Variants in TRAPPC11 observed in about 807,000 individuals in gnomAD.
TRAPPC11 encodes the protein foie gras homolog.
A neutral mutation model predicts 151.2 loss-of-function variants in TRAPPC11; 104 were observed. The ratio of observed to expected loss-of-function variants is 0.69; its 90% CI spans 0.59 to 0.81. TRAPPC11 has a LOEUF of 0.81. Among genes scored for constraint, TRAPPC11 ranks in the 30% least tolerant of loss-of-function variants. The pLI is 0.00. For missense variants in TRAPPC11, 1,230 were observed against 1,349.6 expected, an observed-to-expected ratio of 0.91 and a Z score of 1.39; for synonymous variants, 456 against 472.3, an observed-to-expected ratio of 0.97 and a Z score of 0.45.
At position 183,712,745 on chromosome 4, in the gene TRAPPC11, CT is replaced by C; in HGVS notation, c.*105del. 4 of 1,245,356 alleles carry C rather than the reference CT, an allele frequency of 3.2e-6. No homozygotes were observed. Among genetic ancestry groups the C allele is most frequent in the Non-Finnish European group, 4.7e-6 (4 of 860,178 alleles). The allele number at this position is 1,245,356 out of a possible 1,614,324, so 77.1% of individuals were successfully genotyped here. On this transcript the variant is annotated 3_prime_UTR_variant, in exon 30 of 30. Transcript: ENST00000334690. ...GCTTTGATCATGGTAAAAAGTTAAC[CT>C]TTTCTATTTTTTAATGGATGTTATA...
chr4:183,689,001 A>C (rs1205738730), intron 18 of TRAPPC11, among the ~76,000 whole-genome samples: 2 of 152,172 alleles, frequency 1.3e-5, no homozygotes, highest in African/African-American at 4.8e-5. Flanking sequence ...TCAGCCTCCC[A>C]AAGTGCTGGG....
chr4:183,693,868 G>A (rs1294822154), intron 21 of TRAPPC11, 49 bp from the exon 22 acceptor site: 2 of 1,603,206 alleles, frequency 1.2e-6, no homozygotes, highest in Non-Finnish European at 1.7e-6. Context: ...TGATTATTGG[G>A]ATAATGTTTG....
At chr4:183,694,548 T>C in intron 22 of TRAPPC11, 56 bp from the exon 23 acceptor site, 2 of 1,523,544 alleles carry the variant, frequency 1.3e-6, no homozygotes, top group Non-Finnish European at 1.8e-6. Context: ...CTAGAATATA[T>C]ATCAAGAAGA....
chr4:183,674,858 T>G lies in TRAPPC11; in HGVS notation c.660+46T>G, dbSNP rs769485559. On this transcript the variant is annotated intron_variant, in intron 6 of 29. Coordinates refer to ENST00000334690, the MANE Select transcript of TRAPPC11 (RefSeq NM_021942.6). Reference sequence around the variant, plus strand: ...ATAGAAGCATTCTGGAGCGGATTATTATTATTTTTGAGGTGATTATTACAT... The same window carrying G: ...ATAGAAGCATTCTGGAGCGGATTATGATTATTTTTGAGGTGATTATTACAT... The G allele has an allele frequency of 2.5e-6, 3 of 1,192,648 alleles. No homozygotes were observed. The East Asian group carries it at 7.4e-5, about 30-fold the overall frequency. 73.9% of individuals were successfully genotyped at this position (1,192,648 alleles called of 1,614,324 possible).
In TRAPPC11 at chr4:183,693,962, G is replaced by A. The variant is rs1400361691; in HGVS notation, c.2432G>A (p.Gly811Glu). The change falls in exon 22 of 30, where the codon GGA becomes GAA. Residue 811 changes from glycine (G) to glutamate (E), a missense_variant. Gly to Glu is a moderately conservative substitution (Grantham distance 98, BLOSUM62 -2). Coordinates refer to ENST00000334690, the MANE Select transcript of TRAPPC11 (RefSeq NM_021942.6). ...CAGAAGACTCACGTGACTCTTCATG[G>A]AACAGAACTGTGTGATGAATCCTAC... Reference protein sequence around the residue: ...LTQKTHVTLHGTELCDESYPA... With the variant: ...LTQKTHVTLHETELCDESYPA... 6.2e-7 allele frequency: 1 copy of A among 1,614,042 alleles called. No individual in the cohort carries two copies. Among genetic ancestry groups the A allele is most frequent in the South Asian group, 1.1e-5 (1 of 91,066 alleles).
At chr4:183,686,793 T>A in intron 18 of TRAPPC11, 45 bp downstream of exon 18, 1 of 1,597,980 alleles carries the variant, frequency 6.3e-7, no homozygotes, top group South Asian at 1.1e-5. Flanking sequence ...TATCTTATTG[T>A]AGCTTATGTT....
At chr4:183,681,550 G>A (rs1179416816) in intron 10 of TRAPPC11, among the ~76,000 whole-genome samples, 1 of 152,184 alleles carries the variant, frequency 6.6e-6, no homozygotes, top group East Asian at 1.9e-4. Context: ...GGAGGCTGAG[G>A]TGGGCAGATC....
Position 183,679,413 on chromosome 4 carries a change from C to T in TRAPPC11, c.892C>T (p.His298Tyr). ...PLDAIAQFRKHIDLCKKKIGS... is the reference protein window; with the variant it reads ...PLDAIAQFRKYIDLCKKKIGS... ...GGATGCAATTGCTCAGTTCCGAAAACACATCGACTTGTGTAAGAAAAAGAT... is the reference window on the plus strand; with the variant it reads ...GGATGCAATTGCTCAGTTCCGAAAATACATCGACTTGTGTAAGAAAAAGAT... Residue 298 changes from histidine (H) to tyrosine (Y), a missense_variant, in exon 9 of 30, where the codon CAC becomes TAC. Transcript: ENST00000334690. 1 of 1,613,128 alleles carries T rather than the reference C, an allele frequency of 6.2e-7. No individual in the cohort carries two copies. The highest frequency in any genetic ancestry group is 1.3e-5 in the African/African-American group (1 of 74,988).
intron 10 of TRAPPC11, among the ~76,000 whole-genome samples, chr4:183,681,165 G>C (rs1463483527): frequency 6.6e-6 from 1 of 151,404 alleles, no homozygotes; most frequent in Non-Finnish European, 1.5e-5. Context: ...TATTTATATT[G>C]TTACAGTAGT....
chr4:183,689,197 G>T (rs530808639), intron 18 of TRAPPC11, among the ~76,000 whole-genome samples: 1 of 152,250 alleles, frequency 6.6e-6, no homozygotes, highest in African/African-American at 2.4e-5. Flanking sequence ...TTGAGTTGCT[G>T]GTGTTGGGAA....
At chr4:183,677,370 G>A (rs1735465216) in intron 7 of TRAPPC11, 88 bp from the exon 8 acceptor site, 1 of 809,944 alleles carries the variant, frequency 1.2e-6, no homozygotes, top group African/African-American at 1.7e-5. Flanking sequence ...AAAATGTTGA[G>A]TAAATATTCT....
intron 10 of TRAPPC11, among the ~76,000 whole-genome samples, chr4:183,680,688 T>TTTC (rs1735635277): frequency 7.0e-6 from 1 of 143,788 alleles, no homozygotes; most frequent in Admixed American, 7.0e-5. Flanking sequence ...TCTTTTTTTT[T>TTTC]TTTTTTTTTT....
At chr4:183,692,880 G>A (rs771613243) in intron 19 of TRAPPC11, 80 bp from the exon 20 acceptor site, 88 of 1,326,040 alleles carry the variant, frequency 6.6e-5, no homozygotes, top group Non-Finnish European at 8.0e-5. Flanking sequence ...CTTAGCAGTC[G>A]ACGATGTAAT....
Position 183,691,421 on chromosome 4 carries a change from C to G in TRAPPC11, c.1999C>G (p.Leu667Val), listed in dbSNP as rs185988689. 2.0e-6 allele frequency: 3 copies of G among 1,535,456 alleles called. No individual in the cohort carries two copies. In the Middle Eastern group the frequency reaches 5.2e-4, roughly 267 times the overall value. The change falls in exon 19 of 30, where the codon CTG becomes GTG. Residue 667 changes from leucine to valine, a missense_variant. Physicochemically the swap from Leu to Val is conservative, Grantham distance 32. Transcript: ENST00000334690. ...CCTAGTTCCTGGCAAAACAAGAAAACTGTTATTTAAGTTTGTTGCAAAAAC... is the reference window on the plus strand; with the variant it reads ...CCTAGTTCCTGGCAAAACAAGAAAAGTGTTATTTAAGTTTGTTGCAAAAAC... ...MCLVPGKTRK[L>V]LFKFVAKTED...
At chr4:183,676,490 A>T (rs1735418174) in intron 7 of TRAPPC11, among the ~76,000 whole-genome samples, 1 of 152,166 alleles carries the variant, frequency 6.6e-6, no homozygotes, top group African/African-American at 2.4e-5. Flanking sequence ...TAAATCCTTC[A>T]ATTTCAGTTC....
At chr4:183,708,351 A>T in intron 28 of TRAPPC11, 56 bp from the exon 29 acceptor site, 1 of 1,529,086 alleles carries the variant, frequency 6.5e-7, no homozygotes, top group Non-Finnish European at 8.9e-7. Context: ...AACAACATAT[A>T]GATATTGCAC....
Position 183,693,087 on chromosome 4 carries a change from G to A in TRAPPC11, c.2177G>A (p.Arg726Gln), listed in dbSNP as rs775221903. 10 of 1,612,722 alleles carry A rather than the reference G, an allele frequency of 6.2e-6. No individual in the cohort carries two copies. Among genetic ancestry groups the A allele is most frequent in the East Asian group, 4.5e-5 (2 of 44,820 alleles). The change falls in exon 20 of 30, where the codon CGA (arginine) becomes CAA (glutamine). Residue 726 changes from arginine (R) to glutamine (Q), a missense_variant. By Grantham distance (43) the Arg-to-Gln change is conservative. Coordinates refer to ENST00000334690, the MANE Select transcript of TRAPPC11 (RefSeq NM_021942.6). ...CAGGCAGCTCGGTCTTTCAAAAGGC[G>A]ACCTAAGCTACCTGACAATGAAGTT... ...ALQAARSFKR[R>Q]PKLPDNEVHW... is the part of the protein sequence containing the mutation.
At chr4:183,676,565 T>C (rs1735421795) in intron 7 of TRAPPC11, among the ~76,000 whole-genome samples, 1 of 152,242 alleles carries the variant, frequency 6.6e-6, no homozygotes, top group African/African-American at 2.4e-5. Flanking sequence ...ACTTTTTCTA[T>C]GAAAAGCCTG....
At chr4:183,706,168 C>T (rs1257370726) in intron 27 of TRAPPC11, 2 of 152,110 alleles carry the variant, frequency 1.3e-5, no homozygotes, top group Admixed American at 1.3e-4. Context: ...TGAAACACAG[C>T]TTTTGCTTAT....
Sources: allele counts gnomAD v4.1 joint callset (sites outside exome capture counted in the v4.1 genomes callset), GRCh38; gene constraint gnomAD v4.1.1; transcripts MANE v1.5; gene names NCBI Gene and HGNC (gene_info 2026-07-23, HGNC 2026-07-21).